The following ANKRD33B variants were observed in gnomAD, a reference collection of about 807,000 sequenced individuals.
ANKRD33B encodes the protein ankyrin repeat domain-containing protein 33B.
In ANKRD33B, 6 loss-of-function variants were observed where a neutral mutation model predicts 21.5. That is an observed-to-expected ratio of 0.28 (90% CI 0.15 to 0.55). The LOEUF (loss-of-function observed/expected upper bound fraction) is 0.55, where lower values mean the gene tolerates loss of function less well. Among genes scored for constraint, ANKRD33B ranks in the 20% least tolerant of loss-of-function variants. ANKRD33B has a pLI of 0.94. For missense variants in ANKRD33B, 698 were observed against 747.2 expected, an observed-to-expected ratio of 0.93 and a Z score of 0.77; for synonymous variants, 347 against 342.4, an observed-to-expected ratio of 1.01 and a Z score of -0.15.
At chr5:10,575,283 C>T (rs908281371) in intron 1 of ANKRD33B, among the ~76,000 whole-genome samples, 1 of 151,914 alleles carries the variant, frequency 6.6e-6, no homozygotes, top group African/African-American at 2.4e-5. Context: ...ATTAGCTGGG[C>T]GTGGTGGTGC....
intron 1 of ANKRD33B, among the ~76,000 whole-genome samples, chr5:10,580,165 G>T (rs1356620929): frequency 6.6e-6 from 1 of 152,212 alleles, no homozygotes; most frequent in Non-Finnish European, 1.5e-5. Context: ...CCACATGCAA[G>T]ACATATGTGG....
At chr5:10,565,046 G>T (rs1735017227) in intron 1 of ANKRD33B, among the ~76,000 whole-genome samples, 2 of 152,244 alleles carry the variant, frequency 1.3e-5, no homozygotes, top group Non-Finnish European at 2.9e-5. Context: ...GGAGGGAGCA[G>T]TCGAGGTGTC....
At chr5:10,643,833 A>G (rs1179060959) in intron 3 of ANKRD33B, among the ~76,000 whole-genome samples, 2 of 151,544 alleles carry the variant, frequency 1.3e-5, no homozygotes, top group African/African-American at 4.8e-5. Flanking sequence ...AAAAAAAAAA[A>G]AAAAAAAAGA....
chr5:10,625,506 C>G (rs1736524414), intron 2 of ANKRD33B, among the ~76,000 whole-genome samples: 1 of 152,180 alleles, frequency 6.6e-6, no homozygotes, highest in Admixed American at 6.5e-5. Context: ...GAAGCTCCTG[C>G]TGTGTCGGTG....
chr5:10,627,223 A>G (rs1303107279), intron 2 of ANKRD33B: 1 of 152,148 alleles, frequency 6.6e-6, no homozygotes, highest in African/African-American at 2.4e-5. Flanking sequence ...AACAAAAATA[A>G]AATAAGATAA....
At chr5:10,649,160 C>T (rs1411331793) in intron 3 of ANKRD33B, 106 bp from the exon 4 acceptor site, 56 of 1,440,586 alleles carry the variant, frequency 3.9e-5, no homozygotes, top group Non-Finnish European at 4.8e-5. Flanking sequence ...GGCTTGGGGC[C>T]AGGGGTGGGG....
chr5:10,567,536 G>A (rs1735088879), intron 1 of ANKRD33B, among the ~76,000 whole-genome samples: 1 of 152,214 alleles, frequency 6.6e-6, no homozygotes, highest in African/African-American at 2.4e-5. Context: ...CCCGACGGCA[G>A]TGTGGGTCAC....
At chr5:10,617,675 A>C (rs1259528422) in intron 1 of ANKRD33B, among the ~76,000 whole-genome samples, 1 of 152,000 alleles carries the variant, frequency 6.6e-6, no homozygotes, top group Non-Finnish European at 1.5e-5. Context: ...CCCCCTACTC[A>C]GGGGGTCCCC....
intron 1 of ANKRD33B, among the ~76,000 whole-genome samples, chr5:10,617,682 C>T (rs1327611665): frequency 6.6e-6 from 1 of 152,142 alleles, no homozygotes; most frequent in Non-Finnish European, 1.5e-5. Flanking sequence ...CTCAGGGGGT[C>T]CCCAGGCCCC....
chr5:10,639,071 G>C (rs1228788623), intron 3 of ANKRD33B, among the ~76,000 whole-genome samples: 31 of 71,896 alleles, frequency 4.3e-4, no homozygotes, highest in East Asian at 1.3e-3. Context: ...CGATGTTAGC[G>C]GGTGACGCGG....
At position 10,650,256 on chromosome 5, in the gene ANKRD33B, T is replaced by C. The variant is rs1737315357; in HGVS notation, c.*143T>C. On this transcript the variant is annotated 3_prime_UTR_variant, in exon 4 of 4. Transcript: ENST00000296657. ...GGGCTGCGCGCATTTCCAGGCTGTT[T>C]GTCCAGGCTGCTTCCAAGAGAGGGC... is the stretch of plus-strand genomic sequence containing the variant. The C allele has an allele frequency of 1.1e-6, 1 of 940,442 alleles. No individual in the cohort carries two copies. The highest frequency in any genetic ancestry group is 1.4e-6 in the Non-Finnish European group (1 of 699,574). The allele number at this position is 940,442 out of a possible 1,614,324, so 58.3% of individuals were successfully genotyped here. A position where few individuals can be genotyped will look rare whatever the true frequency, so the allele number is the denominator to read the frequency against.
intron 2 of ANKRD33B, among the ~76,000 whole-genome samples, chr5:10,620,292 G>T (rs1736391485): frequency 6.6e-6 from 1 of 152,068 alleles, no homozygotes; most frequent in African/African-American, 2.4e-5. Flanking sequence ...TGGGACAGGG[G>T]ATAACACCAA....
intron 1 of ANKRD33B, among the ~76,000 whole-genome samples, chr5:10,583,900 T>A (rs1200457125): frequency 6.6e-6 from 1 of 152,074 alleles, no homozygotes; most frequent in Non-Finnish European, 1.5e-5. Flanking sequence ...TCTCTTGGAG[T>A]TGTAATAAGA....
chr5:10,649,994 C>G lies in ANKRD33B; in HGVS notation c.1366C>G (p.Pro456Ala). The change falls in exon 4 of 4, where the codon CCC becomes GCC. Residue 456 changes from proline to alanine, a missense_variant. This residue lies in a region of ANKRD33B where 543 missense variants were observed against 566.5 expected (regional missense o/e 0.96). Transcript: ENST00000296657. ...CAAGGACAGCGGCCACCTGCAGATC[C>G]CCAAGTGGCGGTACAAGGAGGCCAA... ...STKDSGHLQI[P>A]KWRYKEAKEE... 1 of 1,533,636 alleles carries G rather than the reference C, an allele frequency of 6.5e-7. No homozygotes were observed.
chr5:10,605,400 T>C (rs1472383247), intron 1 of ANKRD33B, among the ~76,000 whole-genome samples: 1 of 152,162 alleles, frequency 6.6e-6, no homozygotes, highest in East Asian at 1.9e-4. Flanking sequence ...AAGTACAGGG[T>C]ATGGAATGAA....
At chr5:10,586,329 C>G (rs538723437) in intron 1 of ANKRD33B, among the ~76,000 whole-genome samples, 49 of 152,230 alleles carry the variant, frequency 3.2e-4, no homozygotes, top group African/African-American at 1.2e-3. Context: ...TCTGACAGTT[C>G]AAGAGTTGTT....
At chr5:10,611,071 A>G (rs1736161126) in intron 1 of ANKRD33B, among the ~76,000 whole-genome samples, 1 of 152,170 alleles carries the variant, frequency 6.6e-6, no homozygotes, top group Non-Finnish European at 1.5e-5. Context: ...AAATAAAAAT[A>G]TATTGTTTAT....
At chr5:10,616,975 T>C (rs986584862) in intron 1 of ANKRD33B, among the ~76,000 whole-genome samples, 1 of 152,246 alleles carries the variant, frequency 6.6e-6, no homozygotes, top group African/African-American at 2.4e-5. Context: ...GGTGGGGTTC[T>C]GGCCCGGGCC....
chr5:10,588,738 T>C (rs898581138), intron 1 of ANKRD33B, among the ~76,000 whole-genome samples: 2 of 152,230 alleles, frequency 1.3e-5, no homozygotes, highest in African/African-American at 4.8e-5. Context: ...AGCCTGAGTC[T>C]TGCAAGGGAA....
Sources: gnomAD v4.1 joint callset for allele counts (sites outside exome capture counted in the v4.1 genomes callset) on GRCh38, gnomAD v4.1.1 for gene constraint, gnomAD v4.1.1 regional missense constraint, MANE v1.5 for transcripts, NCBI Gene and HGNC (gene_info 2026-07-23, HGNC 2026-07-21) for gene names.